Variants in CIRSR observed in about 807,000 individuals in gnomAD.
The protein encoded by CIRSR is corepressor of RBPJ and splicing regulator.
chr2:174,384,649 T>A, the CIRSR span, among the ~76,000 whole-genome samples: 3 of 152,096 alleles, frequency 2.0e-5, no homozygotes, highest in Non-Finnish European at 1.5e-5. Context: ...GGTCTCAAAC[T>A]CCTGGACTCA....
chr2:174,378,339 T>C, the CIRSR span, among the ~76,000 whole-genome samples: 1 of 152,240 alleles, frequency 6.6e-6, no homozygotes, highest in Non-Finnish European at 1.5e-5. Flanking sequence ...TGGATTATTG[T>C]GCCTGTTTCA....
the CIRSR span, among the ~76,000 whole-genome samples, chr2:174,350,287 T>C: frequency 6.6e-6 from 1 of 152,216 alleles, no homozygotes; most frequent in Non-Finnish European, 1.5e-5. Flanking sequence ...AATTTAAGCA[T>C]TCTTTCTGCA....
chr2:174,382,588 G>A, the CIRSR span, among the ~76,000 whole-genome samples: 56 of 152,272 alleles, frequency 3.7e-4, 1 homozygote, highest in South Asian at 0.011. Context: ...GCAGTGAGCC[G>A]AGATCGTGCC....
At chr2:174,355,650 A>G in the CIRSR span, among the ~76,000 whole-genome samples, 1 of 152,244 alleles carries the variant, frequency 6.6e-6, no homozygotes, top group African/African-American at 2.4e-5. Flanking sequence ...AAATTCCTAG[A>G]AGGTAAATTA....
the CIRSR span, among the ~76,000 whole-genome samples, chr2:174,384,929 G>A: frequency 2.1e-3 from 314 of 152,208 alleles, no homozygotes; most frequent in African/African-American, 7.2e-3. Context: ...GTGATTTTCA[G>A]CTGGGCATGG....
the CIRSR span, among the ~76,000 whole-genome samples, chr2:174,371,053 TG>T: frequency 6.6e-6 from 1 of 152,164 alleles, no homozygotes; most frequent in African/African-American, 2.4e-5. Context: ...TCATATTATA[TG>T]ATTCTATTTA....
chr2:174,357,828 C>T, the CIRSR span, among the ~76,000 whole-genome samples: 1 of 152,006 alleles, frequency 6.6e-6, no homozygotes, highest in Non-Finnish European at 1.5e-5. Context: ...GCATAACACC[C>T]AGGAAAAAAA....
the CIRSR span, among the ~76,000 whole-genome samples, chr2:174,375,286 T>C: frequency 6.6e-6 from 1 of 152,126 alleles, no homozygotes; most frequent in South Asian, 2.1e-4. Context: ...TCCAGAAAGG[T>C]TGCTCTAATT....
the CIRSR span, among the ~76,000 whole-genome samples, chr2:174,367,164 G>A: frequency 6.6e-6 from 1 of 152,162 alleles, no homozygotes; most frequent in African/African-American, 2.4e-5. Flanking sequence ...AAAAGACAGA[G>A]GCTGGGTGTG....
the CIRSR span, among the ~76,000 whole-genome samples, chr2:174,390,982 T>C: frequency 4.6e-5 from 7 of 152,228 alleles, no homozygotes; most frequent in African/African-American, 1.7e-4. Flanking sequence ...TATTTCTTCA[T>C]AGCAGCATGA....
the CIRSR span, among the ~76,000 whole-genome samples, chr2:174,390,885 A>G: frequency 1.3e-5 from 2 of 152,202 alleles, no homozygotes; most frequent in Non-Finnish European, 2.9e-5. Flanking sequence ...CCCTTCTGCC[A>G]TGATTTTAAG....
the CIRSR span, among the ~76,000 whole-genome samples, chr2:174,371,152 A>G: frequency 3.9e-5 from 6 of 152,188 alleles, no homozygotes; most frequent in Admixed American, 3.9e-4. Flanking sequence ...GAGGGCTAAC[A>G]GGTATCTTTC....
the CIRSR span, among the ~76,000 whole-genome samples, chr2:174,391,957 G>C: frequency 1.3e-5 from 2 of 152,158 alleles, no homozygotes; most frequent in Non-Finnish European, 2.9e-5. Flanking sequence ...GGGCTGGAGA[G>C]AGGGAGAAGA....
chr2:174,353,990 T>A, the CIRSR span, among the ~76,000 whole-genome samples: 1 of 152,124 alleles, frequency 6.6e-6, no homozygotes, highest in South Asian at 2.1e-4. Context: ...TTGGCCATCA[T>A]GATGAGAGGT....
the CIRSR span, among the ~76,000 whole-genome samples, chr2:174,393,806 A>G: frequency 6.6e-6 from 1 of 152,130 alleles, no homozygotes; most frequent in Non-Finnish European, 1.5e-5. Context: ...CACAATCTAC[A>G]CTATAAACAT....
chr2:174,356,736 T>C, the CIRSR span, among the ~76,000 whole-genome samples: 6 of 152,188 alleles, frequency 3.9e-5, no homozygotes, highest in Non-Finnish European at 7.3e-5. Context: ...TGAAACTAAA[T>C]TGCTACCCTA....
chr2:174,371,437 C>T, the CIRSR span, among the ~76,000 whole-genome samples: 2 of 152,084 alleles, frequency 1.3e-5, no homozygotes, highest in Non-Finnish European at 2.9e-5. Flanking sequence ...TAGATAAAAG[C>T]CAGGTGGGCT....
At chr2:174,370,297 C>T in the CIRSR span, among the ~76,000 whole-genome samples, 3 of 152,312 alleles carry the variant, frequency 2.0e-5, no homozygotes, top group Middle Eastern at 3.4e-3. Flanking sequence ...CTATCCTCCC[C>T]TCTCAGCCTC....
At chr2:174,375,373 T>C in the CIRSR span, among the ~76,000 whole-genome samples, 2 of 152,290 alleles carry the variant, frequency 1.3e-5, no homozygotes, top group South Asian at 4.1e-4. Context: ...TGTGGGAGGC[T>C]GAGGTGGGAT....
Sources: allele counts gnomAD v4.1 joint callset (sites outside exome capture counted in the v4.1 genomes callset), GRCh38; gene constraint gnomAD v4.1.1; transcripts MANE v1.5; gene names NCBI Gene and HGNC (gene_info 2026-07-23, HGNC 2026-07-21).